Variants in TMEM131 observed in about 807,000 individuals in gnomAD.
The protein encoded by TMEM131 is transmembrane protein 131.
TMEM131 carries 66 observed loss-of-function variants against 211.6 expected under a neutral mutation model. That is an observed-to-expected ratio of 0.31 (90% CI 0.26 to 0.38). The LOEUF is 0.38. Among genes scored for constraint, TMEM131 ranks in the 10% least tolerant of loss-of-function variants. TMEM131 has a pLI of 1.00. For synonymous variants in TMEM131, 844 were observed against 841.3 expected, an observed-to-expected ratio of 1.00 and a Z score of -0.06; for missense variants, 2,036 against 2,299.3, an observed-to-expected ratio of 0.89 and a Z score of 2.34.
At chr2:97,818,239 CTCAAAT>C (rs1406093339) in intron 12 of TMEM131, among the ~76,000 whole-genome samples, 1 of 151,990 alleles carries the variant, frequency 6.6e-6, no homozygotes, top group African/African-American at 2.4e-5. Context: ...TATTTTTGCT[CTCAAAT>C]TCAAACATGT....
chr2:97,990,804 T>C (rs1680229802), intron 1 of TMEM131, among the ~76,000 whole-genome samples: 1 of 152,226 alleles, frequency 6.6e-6, no homozygotes, highest in Non-Finnish European at 1.5e-5. Context: ...ACTTTTTTCA[T>C]ATGCTTTGTA....
chr2:97,932,163 A>T (rs939637021), intron 1 of TMEM131, among the ~76,000 whole-genome samples: 1 of 150,976 alleles, frequency 6.6e-6, no homozygotes, highest in Admixed American at 6.6e-5. Context: ...AAAAAAAGAC[A>T]CTGCTATTTT....
At chr2:97,993,519 A>G (rs1368971641) in intron 1 of TMEM131, among the ~76,000 whole-genome samples, 1 of 152,236 alleles carries the variant, frequency 6.6e-6, no homozygotes, top group Non-Finnish European at 1.5e-5. Flanking sequence ...TTTGATTAGA[A>G]CCAGATCTGT....
At chr2:97,875,325 C>A (rs919818329) in intron 4 of TMEM131, among the ~76,000 whole-genome samples, 1 of 152,168 alleles carries the variant, frequency 6.6e-6, no homozygotes, top group African/African-American at 2.4e-5. Flanking sequence ...AGAAAATTAA[C>A]AAGGATATTC....
In TMEM131 at chr2:97,767,893, C is replaced by A. The variant is rs537617807; in HGVS notation, c.4449-1291G>T. Reference sequence around the variant, plus strand: ...TCTGGGTCAGAGGCAATCTGCTGTGCTCATTCACAGGAGATTTCAAAGGTG... The same window carrying A: ...TCTGGGTCAGAGGCAATCTGCTGTGATCATTCACAGGAGATTTCAAAGGTG... On this transcript the variant is annotated intron_variant, in intron 33 of 40. Transcript: ENST00000186436. Among the ~76,000 whole-genome samples, 4 of 152,298 alleles carry A rather than the reference C, an allele frequency of 2.6e-5. No individual in the cohort carries two copies. In the East Asian group the frequency reaches 7.7e-4, roughly 29 times the overall value.
rs1678883847 is a variant in TMEM131, at chr2:97,762,093, G to T, written c.4831C>A (p.Pro1611Thr). Residue 1611 changes from proline (P) to threonine (T), a missense_variant, in exon 36 of 41, where the codon CCC (proline) becomes ACC (threonine). Physicochemically the swap from Pro to Thr is conservative, Grantham distance 38. Around this residue, in one of 3 missense-constraint regions of TMEM131, gnomAD observed 1,623 missense variants for 1,805.9 expected, o/e 0.90. Coordinates refer to ENST00000186436, the MANE Select transcript of TMEM131 (RefSeq NM_015348.2). The stretch of plus-strand genomic sequence containing the variant: ...CTGCCCCGGGCCACAAAGGGGCAGG[G>T]GGCAGCTGGGGGAGACGGGGAAGCA... ...TPASPSPPAAPCPFVARGSYS... is the reference protein window; with the variant it reads ...TPASPSPPAATCPFVARGSYS... 6.2e-7 allele frequency: 1 copy of T among 1,611,452 alleles called. No homozygotes were observed. Among genetic ancestry groups the T allele is most frequent in the African/African-American group, 1.3e-5 (1 of 74,776 alleles).
chr2:97,899,190 A>G (rs1171332167), intron 3 of TMEM131, among the ~76,000 whole-genome samples: 2 of 152,066 alleles, frequency 1.3e-5, no homozygotes, highest in Non-Finnish European at 2.9e-5. Context: ...CCTAAAGTCT[A>G]CTTTGTCTGA....
chr2:97,774,247 T>A, intron 32 of TMEM131, among the ~76,000 whole-genome samples: 1 of 152,382 alleles, frequency 6.6e-6, no homozygotes, highest in Non-Finnish European at 1.5e-5. Context: ...AGGACAAGGA[T>A]GTGGCCTTTT....
chr2:97,898,688 AC>A (rs1675721744), intron 3 of TMEM131, among the ~76,000 whole-genome samples: 1 of 152,156 alleles, frequency 6.6e-6, no homozygotes, highest in South Asian at 2.1e-4. Context: ...TGTTTAAGCC[AC>A]CCAGTTTATG....
intron 31 of TMEM131, among the ~76,000 whole-genome samples, chr2:97,783,675 C>A (rs1680117363): frequency 6.6e-6 from 1 of 151,510 alleles, no homozygotes; most frequent in African/African-American, 2.4e-5. Context: ...AAAAAATATA[C>A]AAGTAACCCA....
At chr2:97,835,967 TATTA>T (rs757774171) in intron 8 of TMEM131, among the ~76,000 whole-genome samples, 1 of 152,240 alleles carries the variant, frequency 6.6e-6, no homozygotes, top group Non-Finnish European at 1.5e-5. Context: ...TAGGTTTATT[TATTA>T]GATACCAATT....
At chr2:97,801,994 A>C (rs1681058348) in intron 24 of TMEM131, 33 bp from the exon 25 acceptor site, 1 of 1,449,064 alleles carries the variant, frequency 6.9e-7, no homozygotes, top group Admixed American at 1.8e-5. Flanking sequence ...ATTTATTCAT[A>C]AGCAACATCA....
chr2:97,967,040 A>G (rs1450789530), intron 1 of TMEM131, among the ~76,000 whole-genome samples: 1 of 152,154 alleles, frequency 6.6e-6, no homozygotes, highest in Non-Finnish European at 1.5e-5. Context: ...AAACAAACAA[A>G]CAAACAAACG....
intron 2 of TMEM131, among the ~76,000 whole-genome samples, chr2:97,922,671 T>G (rs1231300005): frequency 6.6e-6 from 1 of 152,170 alleles, no homozygotes; most frequent in African/African-American, 2.4e-5. Flanking sequence ...CTGTAGTATT[T>G]AGAGATATAC....
At chr2:97,900,754 T>C (rs143205551) in intron 3 of TMEM131, among the ~76,000 whole-genome samples, 11 of 152,312 alleles carry the variant, frequency 7.2e-5, no homozygotes, top group African/African-American at 1.9e-4. Flanking sequence ...CTGGATCACA[T>C]AGCAGTTCTA....
chr2:97,941,852 T>C (rs1051190762), intron 1 of TMEM131, among the ~76,000 whole-genome samples: 5 of 152,116 alleles, frequency 3.3e-5, no homozygotes, highest in Non-Finnish European at 5.9e-5. Flanking sequence ...TGTGGAGAAA[T>C]AGGAACACTT....
At chr2:97,974,593 G>C (rs1679448870) in intron 1 of TMEM131, among the ~76,000 whole-genome samples, 1 of 149,126 alleles carries the variant, frequency 6.7e-6, no homozygotes, top group South Asian at 2.2e-4. Context: ...AATCTTAAAA[G>C]TATCAAGAGA....
intron 1 of TMEM131, among the ~76,000 whole-genome samples, chr2:97,988,535 G>A (rs1158261106): frequency 6.6e-6 from 1 of 152,040 alleles, no homozygotes; most frequent in East Asian, 1.9e-4. Flanking sequence ...ATCTGATAAG[G>A]GGTAATATCC....
chr2:97,914,052 C>G (rs1676402715), intron 2 of TMEM131, among the ~76,000 whole-genome samples: 1 of 152,164 alleles, frequency 6.6e-6, no homozygotes, highest in African/African-American at 2.4e-5. Flanking sequence ...TACTTCTTAT[C>G]AACCCAATCT....
Sources: allele counts gnomAD v4.1 joint callset (sites outside exome capture counted in the v4.1 genomes callset), GRCh38; gene constraint gnomAD v4.1.1; regional missense constraint gnomAD v4.1.1; transcripts MANE v1.5; gene names NCBI Gene and HGNC (gene_info 2026-07-23, HGNC 2026-07-21).